Variants in CPEB3 observed in about 807,000 individuals in gnomAD.
The protein encoded by CPEB3 is cytoplasmic polyadenylation element-binding protein 3.
In CPEB3, 20 loss-of-function variants were observed where a neutral mutation model predicts 67.2. That is an observed-to-expected ratio of 0.30 (90% CI 0.21 to 0.43). The LOEUF (loss-of-function observed/expected upper bound fraction) is 0.43. Ranked by LOEUF, CPEB3 falls within the 20% of genes least tolerant of loss-of-function variation. The probability of loss-of-function intolerance (pLI) is 1.00; values close to 1 mark genes in which losing one functional copy is unlikely to be tolerated. For synonymous variants in CPEB3, 376 were observed against 393.1 expected, an observed-to-expected ratio of 0.96 and a Z score of 0.51; for missense variants, 746 against 968.6, an observed-to-expected ratio of 0.77 and a Z score of 3.05.
At position 92,165,060 on chromosome 10, in the gene CPEB3, C is replaced by T. The variant is rs184096758; in HGVS notation, c.1222+15903G>A. Among the ~76,000 whole-genome samples, 65 of 152,210 alleles carry T rather than the reference C, an allele frequency of 4.3e-4. 1 individual carries two copies. Among genetic ancestry groups the T allele is most frequent in the Middle Eastern group, 6.8e-3 (2 of 294 alleles). ...GTCACACAATTTTTTTATTTCCTAG[C>T]GCATACAAGTTATGTTTATATTATA... On this transcript the variant is annotated intron_variant, in intron 4 of 9. Coordinates refer to ENST00000265997, the MANE Select transcript of CPEB3 (RefSeq NM_014912.5).
rs560492893 is a variant in CPEB3, at chr10:92,066,772, C to T, written c.1870-14333G>A. On this transcript the variant is annotated intron_variant, in intron 9 of 9. Coordinates refer to ENST00000265997, the MANE Select transcript of CPEB3 (RefSeq NM_014912.5). ...TCTAAACATAAATTTTGGCTGGGCG[C>T]GATAGCTCACACCTGTAATTCTAGC... Among the ~76,000 whole-genome samples, 5 of 152,212 alleles carry T rather than the reference C, an allele frequency of 3.3e-5. No homozygotes were observed. In the South Asian group the frequency reaches 8.3e-4, roughly 25 times the overall value.
At position 92,263,044 on chromosome 10, in the gene CPEB3, G is replaced by A. The variant is rs113484842; in HGVS notation, c.-11-22683C>T. Among the ~76,000 whole-genome samples, 1,398 of 152,154 alleles carry A rather than the reference G, an allele frequency of 9.2e-3. 20 individuals carry two copies. The highest frequency in any genetic ancestry group is 0.031 in the African/African-American group (1,274 of 41,518). ...CTCAGCCTCTCAAAGTGCTGGGACT[G>A]TAGGCGTGAGCCATAGCACTCGGCC... On this transcript the variant is annotated intron_variant, in intron 1 of 9. Coordinates refer to ENST00000265997, the MANE Select transcript of CPEB3 (RefSeq NM_014912.5).
chr10:92,229,170 T>C (rs1851140001), intron 2 of CPEB3, among the ~76,000 whole-genome samples: 1 of 152,034 alleles, frequency 6.6e-6, no homozygotes, highest in Non-Finnish European at 1.5e-5. Flanking sequence ...ACTACAAGCA[T>C]ATGACATCAG....
At chr10:92,133,025 G>A (rs1845917153) in intron 6 of CPEB3, among the ~76,000 whole-genome samples, 1 of 152,178 alleles carries the variant, frequency 6.6e-6, no homozygotes, top group Admixed American at 6.5e-5. Flanking sequence ...GCAGTCTGTA[G>A]AGGGAAATTT....
At chr10:92,137,303 T>G (rs1016846937) in intron 6 of CPEB3, 18 of 682,248 alleles carry the variant, frequency 2.6e-5, no homozygotes, top group Non-Finnish European at 4.0e-5. Flanking sequence ...CAGATGGAAG[T>G]TCCCCATATC....
intron 2 of CPEB3, among the ~76,000 whole-genome samples, chr10:92,200,666 T>C (rs918499021): frequency 6.6e-6 from 1 of 152,092 alleles, no homozygotes; most frequent in African/African-American, 2.4e-5. Context: ...ATTGTGTTTT[T>C]ACTTGCTGTG....
At chr10:92,101,211 C>T (rs891781758) in intron 7 of CPEB3, among the ~76,000 whole-genome samples, 1 of 152,134 alleles carries the variant, frequency 6.6e-6, no homozygotes, top group Non-Finnish European at 1.5e-5. Context: ...CCCTCAAAGC[C>T]GTATGTTCTT....
chr10:92,273,056 A>T (rs866556380), intron 1 of CPEB3, among the ~76,000 whole-genome samples: 1 of 152,194 alleles, frequency 6.6e-6, no homozygotes, highest in Non-Finnish European at 1.5e-5. Flanking sequence ...GATATTTAGG[A>T]GATAAACGAA....
intron 9 of CPEB3, among the ~76,000 whole-genome samples, chr10:92,061,637 A>G (rs1458082649): frequency 6.6e-6 from 1 of 152,132 alleles, no homozygotes; most frequent in African/African-American, 2.4e-5. Flanking sequence ...AATCAAAACA[A>G]TTGAACTCAT....
chr10:92,276,348 G>C (rs1374904920), intron 1 of CPEB3, among the ~76,000 whole-genome samples: 2 of 146,570 alleles, frequency 1.4e-5, no homozygotes, highest in Non-Finnish European at 3.0e-5. Flanking sequence ...GCACGATCTC[G>C]GGTCACTGCA....
intron 9 of CPEB3, among the ~76,000 whole-genome samples, chr10:92,080,736 G>T (rs1434595517): frequency 6.6e-6 from 1 of 152,026 alleles, no homozygotes; most frequent in East Asian, 1.9e-4. Context: ...TGGGACTACA[G>T]GTGTCTGCCA....
At chr10:92,259,443 A>C (rs1317536444) in intron 1 of CPEB3, among the ~76,000 whole-genome samples, 2 of 151,998 alleles carry the variant, frequency 1.3e-5, no homozygotes, top group Non-Finnish European at 2.9e-5. Flanking sequence ...CTCTACTAAA[A>C]ATACAAAATT....
At chr10:92,101,054 T>C (rs908932098) in intron 7 of CPEB3, among the ~76,000 whole-genome samples, 2 of 152,154 alleles carry the variant, frequency 1.3e-5, no homozygotes, top group African/African-American at 4.8e-5. Context: ...GGTCCCTTCT[T>C]TAGGTTACAA....
intron 8 of CPEB3, 94 bp downstream of exon 8, chr10:92,091,736 G>T: frequency 1.4e-6 from 1 of 726,626 alleles, no homozygotes; most frequent in Non-Finnish European, 2.3e-6. Context: ...ACTATGTATA[G>T]CTGACTGGAA....
chr10:92,096,133 CCAAAGTGCTGGGATTACAGG>C (rs1843866453), intron 7 of CPEB3, among the ~76,000 whole-genome samples: 1 of 151,650 alleles, frequency 6.6e-6, no homozygotes, highest in African/African-American at 2.4e-5. Context: ...CCTCGGCCTC[CCAAAGTGCTGGGATTACAGG>C]CGTGAGCCAC....
intron 2 of CPEB3, among the ~76,000 whole-genome samples, chr10:92,226,046 G>A (rs778179066): frequency 2.6e-5 from 4 of 152,076 alleles, no homozygotes; most frequent in Admixed American, 6.5e-5. Context: ...GCAGTGAGCC[G>A]AGATTGCACC....
chr10:92,052,694 T>C (rs1841942960), intron 9 of CPEB3, among the ~76,000 whole-genome samples: 1 of 152,336 alleles, frequency 6.6e-6, no homozygotes, highest in African/African-American at 2.4e-5. Context: ...AAAATGGGTA[T>C]GTTTACACAC....
At chr10:92,289,735 ATAT>A (rs1842730187) in intron 1 of CPEB3, among the ~76,000 whole-genome samples, 27 of 98,370 alleles carry the variant, frequency 2.7e-4, no homozygotes, top group East Asian at 1.3e-3. Flanking sequence ...AAAAAAAAAT[ATAT>A]ATATATATAT....
In CPEB3 at chr10:92,239,513, C is replaced by T. The variant is rs374148858; in HGVS notation, c.838G>A (p.Val280Ile). The change falls in exon 2 of 10, where the codon GTC becomes ATC. Residue 280 changes from valine (V) to isoleucine (I), a missense_variant. Physicochemically the swap from Val to Ile is conservative, Grantham distance 29. This residue lies in a region of CPEB3 where 643 missense variants were observed against 717.5 expected (regional missense o/e 0.90). Coordinates refer to ENST00000265997, the MANE Select transcript of CPEB3 (RefSeq NM_014912.5). The surrounding 1 kb of genome is among the most constrained non-coding windows in gnomAD (Gnocchi z 6.0). Reference sequence around the variant, plus strand: ...GGGTTGAGCGGGGAAGGCACCCCGACACCCACACCCACGCCCACACCGACC... The same window carrying T: ...GGGTTGAGCGGGGAAGGCACCCCGATACCCACACCCACGCCCACACCGACC... ...RAVGVGVGVG[V>I]GVPSPLNPIS... 1.3e-6 allele frequency: 2 copies of T among 1,570,142 alleles called. No homozygotes were observed. The highest frequency in any genetic ancestry group is 1.3e-5 in the African/African-American group (1 of 74,412).
Sources: allele counts gnomAD v4.1 joint callset (sites outside exome capture counted in the v4.1 genomes callset), GRCh38; gene constraint gnomAD v4.1.1; regional missense constraint gnomAD v4.1.1; non-coding constraint Gnocchi (gnomAD v3.1); transcripts MANE v1.5; gene names NCBI Gene and HGNC (gene_info 2026-07-23, HGNC 2026-07-21).